The following DYM variants were observed in gnomAD, a reference collection of about 807,000 sequenced individuals.
DYM encodes dymeclin.
DYM carries 78 observed loss-of-function variants against 93.1 expected under a neutral mutation model. That is an observed-to-expected ratio of 0.84 (90% confidence interval 0.70 to 1.01). DYM has a LOEUF of 1.01. Ranked by LOEUF, DYM falls within the 50% of genes least tolerant of loss-of-function variation. The pLI, the probability that DYM is intolerant of heterozygous loss-of-function variation, is 0.00. For synonymous variants in DYM, 321 were observed against 319.7 expected (o/e 1.00, Z -0.04); for missense variants, 789 against 845.0 (o/e 0.93, Z 0.82).
At chr18:49,281,349 T>C (rs1376646626) in intron 10 of DYM, among the ~76,000 whole-genome samples, 3 of 152,208 alleles carry the variant, frequency 2.0e-5, no homozygotes, top group Non-Finnish European at 2.9e-5. Flanking sequence ...TTTTACACTG[T>C]TGGTGGGACT....
chr18:49,241,472 T>C (rs1335240420), intron 13 of DYM, among the ~76,000 whole-genome samples: 1 of 152,212 alleles, frequency 6.6e-6, no homozygotes, highest in African/African-American at 2.4e-5. Flanking sequence ...AGCATCCATA[T>C]AACACTGACT....
chr18:49,392,681 TAAAAAAAAAAAAAAA>T (rs869086187), intron 2 of DYM, among the ~76,000 whole-genome samples: 820 of 68,534 alleles, frequency 0.012, 16 homozygotes, highest in Middle Eastern at 0.048. Context: ...GGCTTTTATT[TAAAAAAAAAAAAAAA>T]AAAAAAAAAA....
chr18:49,163,660 A>G (rs1490892983), intron 15 of DYM, 25 bp downstream of exon 15: 1 of 1,548,300 alleles, frequency 6.5e-7, no homozygotes, highest in Non-Finnish European at 8.9e-7. Context: ...AAAATTTTTT[A>G]TTGATGAATA....
chr18:49,385,645 A>T (rs2068534735), intron 3 of DYM, among the ~76,000 whole-genome samples: 1 of 152,072 alleles, frequency 6.6e-6, no homozygotes, highest in Non-Finnish European at 1.5e-5. Flanking sequence ...CAGTGAGTGG[A>T]GATCACACCA....
intron 17 of DYM, among the ~76,000 whole-genome samples, chr18:49,053,896 C>A (rs892499233): frequency 6.6e-6 from 1 of 152,134 alleles, no homozygotes; most frequent in African/African-American, 2.4e-5. Flanking sequence ...GAACAGGGTG[C>A]GTCAGTTAGC....
chr18:49,452,085 A>T (rs2082562512), intron 1 of DYM, among the ~76,000 whole-genome samples: 1 of 152,230 alleles, frequency 6.6e-6, no homozygotes, highest in African/African-American at 2.4e-5. Flanking sequence ...GGTCTCATTG[A>T]CTTCAAGAAT....
intron 10 of DYM, 43 bp downstream of exon 10, chr18:49,281,954 A>C: frequency 6.9e-7 from 1 of 1,447,942 alleles, no homozygotes; most frequent in Non-Finnish European, 9.5e-7. Flanking sequence ...AAGTATAATT[A>C]AAAAAAAATA....
At chr18:49,283,427 T>C (rs968159558) in intron 9 of DYM, among the ~76,000 whole-genome samples, 1 of 145,506 alleles carries the variant, frequency 6.9e-6, no homozygotes, top group Non-Finnish European at 1.5e-5. Context: ...TTAAGAAACT[T>C]TTTTTTTTTT....
intron 15 of DYM, among the ~76,000 whole-genome samples, chr18:49,153,023 G>A (rs1476754832): frequency 6.6e-6 from 1 of 152,156 alleles, no homozygotes; most frequent in Admixed American, 6.6e-5. Context: ...AGTAAGTTCT[G>A]TGGACCCAGT....
At chr18:49,256,491 C>A (rs1207636697) in intron 13 of DYM, among the ~76,000 whole-genome samples, 1 of 152,188 alleles carries the variant, frequency 6.6e-6, no homozygotes, top group African/African-American at 2.4e-5. Flanking sequence ...GACAGAAATG[C>A]AGCTCTGTTT....
chr18:49,074,821 G>A (rs905733407), intron 17 of DYM, among the ~76,000 whole-genome samples: 4 of 152,192 alleles, frequency 2.6e-5, no homozygotes, highest in African/African-American at 7.2e-5. Context: ...AGTTCCAAGA[G>A]AACTAAAATG....
chr18:49,172,858 C>A (rs1230438439), intron 14 of DYM, among the ~76,000 whole-genome samples: 1 of 152,042 alleles, frequency 6.6e-6, no homozygotes, highest in Non-Finnish European at 1.5e-5. Context: ...TTTGCCTAAT[C>A]CAAGATCCCA....
At chr18:49,392,520 C>T (rs1480006223) in intron 2 of DYM, among the ~76,000 whole-genome samples, 1 of 151,748 alleles carries the variant, frequency 6.6e-6, no homozygotes, top group Admixed American at 6.6e-5. Flanking sequence ...AACCAAACAA[C>T]CCAATTTTAA....
chr18:49,332,705 G>T (rs1328276211), intron 7 of DYM, among the ~76,000 whole-genome samples: 1 of 151,956 alleles, frequency 6.6e-6, no homozygotes, highest in African/African-American at 2.4e-5. Flanking sequence ...AATAAGTAAA[G>T]AACATATTAC....
chr18:49,102,244 C>G (rs1353515099), intron 16 of DYM, among the ~76,000 whole-genome samples: 1 of 152,226 alleles, frequency 6.6e-6, no homozygotes. Context: ...CAGACATTAA[C>G]TTATTTAAGG....
intron 14 of DYM, among the ~76,000 whole-genome samples, chr18:49,202,304 A>G (rs1197595634): frequency 6.6e-6 from 1 of 152,232 alleles, no homozygotes; most frequent in Non-Finnish European, 1.5e-5. Context: ...AACAGAAAAG[A>G]ACTCTAGGGG....
At chr18:49,159,227 T>C (rs1379660162) in intron 15 of DYM, among the ~76,000 whole-genome samples, 2 of 152,174 alleles carry the variant, frequency 1.3e-5, no homozygotes, top group Non-Finnish European at 2.9e-5. Flanking sequence ...TCAAATGAAT[T>C]TGAGATCTAA....
At chr18:49,448,728 C>G (rs1220278499) in intron 1 of DYM, among the ~76,000 whole-genome samples, 1 of 152,204 alleles carries the variant, frequency 6.6e-6, no homozygotes, top group Non-Finnish European at 1.5e-5. Flanking sequence ...ACCTTTTTCT[C>G]TAAGTGGGTA....
chr18:49,345,358 C>T (rs1041191963), intron 6 of DYM, among the ~76,000 whole-genome samples: 12 of 152,144 alleles, frequency 7.9e-5, no homozygotes, highest in Non-Finnish European at 1.5e-4. Context: ...TCCAGCTAAA[C>T]TCTAAATAAA....
Sources: allele counts gnomAD v4.1 joint callset (sites outside exome capture counted in the v4.1 genomes callset), GRCh38; gene constraint gnomAD v4.1.1; transcripts MANE v1.5; gene names NCBI Gene and HGNC (gene_info 2026-07-23, HGNC 2026-07-21).